UNC13B: variants seen among roughly 807,000 people sequenced by gnomAD.
UNC13B encodes protein unc-13 homolog B.
A neutral mutation model predicts 211.0 loss-of-function variants in UNC13B; 144 were observed. That is an observed-to-expected ratio of 0.68 (90% CI 0.60 to 0.78). The LOEUF is 0.78. UNC13B is among the 30% of genes least tolerant of loss of function. The probability of loss-of-function intolerance (pLI) is 0.00; values close to 1 mark genes in which losing one functional copy is unlikely to be tolerated. For missense variants in UNC13B, 1,777 were observed against 2,002.0 expected (o/e 0.89, Z 2.14); for synonymous variants, 709 against 725.8 (o/e 0.98, Z 0.37).
intron 11 of UNC13B, chr9:35,353,473 G>T: frequency 1.6e-6 from 2 of 1,232,272 alleles, no homozygotes; most frequent in Non-Finnish European, 2.0e-6. Context: ...GGAGTCAGGG[G>T]AGTGAAAGCT....
intron 1 of UNC13B, among the ~76,000 whole-genome samples, chr9:35,185,689 G>A (rs958770614): frequency 1.3e-5 from 2 of 151,954 alleles, no homozygotes; most frequent in Non-Finnish European, 2.9e-5. Flanking sequence ...GGAGGCCGAG[G>A]TGGGCGGATC....
At chr9:35,357,994 C>T (rs1366649800) in intron 11 of UNC13B, among the ~76,000 whole-genome samples, 1 of 152,210 alleles carries the variant, frequency 6.6e-6, no homozygotes, top group African/African-American at 2.4e-5. Flanking sequence ...TACTTTCTGT[C>T]TCTATGAATT....
intron 17 of UNC13B, 62 bp downstream of exon 17, chr9:35,378,498 C>G: frequency 6.2e-7 from 1 of 1,600,832 alleles, no homozygotes; most frequent in Non-Finnish European, 8.5e-7. Flanking sequence ...AGGATCACAT[C>G]CTGCCATTCT....
chr9:35,366,979 G>A lies in UNC13B; in HGVS notation c.9447G>A (p.Gln3149=), dbSNP rs759453245. 1.3e-5 allele frequency: 21 copies of A among 1,613,836 alleles called. No homozygotes were observed. In the Admixed American group the frequency reaches 3.3e-4, roughly 26 times the overall value. ...IPDDGDPSLP[Q]WLPEGPAGGL... ...ATGATGGTGACCCCTCTCTGCCTCA[G>A]TGGCTCCCGGAAGGGTAAGTAATTC... is the stretch of plus-strand genomic sequence containing the variant. The change falls in exon 12 of 40, where the codon CAG becomes CAA. Residue 3149 remains glutamine (Q), a synonymous_variant. Coordinates refer to ENST00000635942, the MANE Select transcript of UNC13B (RefSeq NM_001371189.2).
intron 12 of UNC13B, among the ~76,000 whole-genome samples, chr9:35,368,908 GT>G (rs1477789171): frequency 2.0e-5 from 3 of 152,050 alleles, no homozygotes; most frequent in Non-Finnish European, 1.5e-5. Context: ...GTGATCTTTA[GT>G]TTTTTTCTTC....
At chr9:35,359,628 T>C (rs1833260848) in intron 11 of UNC13B, among the ~76,000 whole-genome samples, 1 of 152,226 alleles carries the variant, frequency 6.6e-6, no homozygotes, top group African/African-American at 2.4e-5. Flanking sequence ...CTTGCAGCTA[T>C]TCAGGCCCAA....
chr9:35,321,807 G>A (rs1038191233), intron 11 of UNC13B, among the ~76,000 whole-genome samples: 2 of 151,940 alleles, frequency 1.3e-5, no homozygotes, highest in Non-Finnish European at 2.9e-5. Context: ...GGCTTCAGGG[G>A]TATATATATA....
chr9:35,166,663 A>G (rs1300924155), intron 1 of UNC13B, among the ~76,000 whole-genome samples: 1 of 152,048 alleles, frequency 6.6e-6, no homozygotes, highest in South Asian at 2.1e-4. Flanking sequence ...TTTTTAATTC[A>G]TTGTTTTCAT....
chr9:35,299,020 T>G (rs1829539848), intron 8 of UNC13B, among the ~76,000 whole-genome samples: 1 of 152,126 alleles, frequency 6.6e-6, no homozygotes, highest in Admixed American at 6.5e-5. Context: ...TCACCTGAGG[T>G]CAGGAGTTCA....
chr9:35,163,640 C>T (rs573592189), intron 1 of UNC13B, among the ~76,000 whole-genome samples: 39 of 152,324 alleles, frequency 2.6e-4, no homozygotes, highest in Non-Finnish European at 3.7e-4. Context: ...TAATTCTCTA[C>T]GGCCACACTG....
At chr9:35,251,210 C>T (rs528785421) in intron 6 of UNC13B, among the ~76,000 whole-genome samples, 153 of 152,152 alleles carry the variant, frequency 1.0e-3, no homozygotes, top group African/African-American at 3.5e-3. Context: ...GTGATCCGCC[C>T]GCCTCGGCCT....
intron 7 of UNC13B, among the ~76,000 whole-genome samples, chr9:35,282,548 T>C (rs572288155): frequency 6.6e-6 from 1 of 152,174 alleles, no homozygotes; most frequent in African/African-American, 2.4e-5. Context: ...TCTCCTGCTT[T>C]AGCCTCCTGA....
At chr9:35,358,575 T>A (rs1181985655) in intron 11 of UNC13B, among the ~76,000 whole-genome samples, 2 of 152,174 alleles carry the variant, frequency 1.3e-5, no homozygotes, top group Non-Finnish European at 2.9e-5. Flanking sequence ...TTTCTTGTTT[T>A]GATTGTGCTT....
chr9:35,197,819 C>T (rs1823030840), intron 1 of UNC13B, among the ~76,000 whole-genome samples: 1 of 152,182 alleles, frequency 6.6e-6, no homozygotes, highest in Non-Finnish European at 1.5e-5. Flanking sequence ...TGCCTTCCGC[C>T]ATGATCCTAA....
At chr9:35,386,657 C>T (rs1022598429) in intron 24 of UNC13B, among the ~76,000 whole-genome samples, 1 of 152,132 alleles carries the variant, frequency 6.6e-6, no homozygotes, top group Non-Finnish European at 1.5e-5. Flanking sequence ...AAGTTCTGGG[C>T]TTCCTTCCTC....
At chr9:35,181,029 T>C (rs1821909475) in intron 1 of UNC13B, among the ~76,000 whole-genome samples, 1 of 151,992 alleles carries the variant, frequency 6.6e-6, no homozygotes, top group Admixed American at 6.6e-5. Context: ...GCCTGGGAAG[T>C]GAAGGCTACA....
At chr9:35,198,883 T>G (rs1201516767) in intron 1 of UNC13B, among the ~76,000 whole-genome samples, 3 of 152,190 alleles carry the variant, frequency 2.0e-5, no homozygotes, top group Non-Finnish European at 2.9e-5. Context: ...TATTATACTT[T>G]AAGTTCTAGG....
intron 1 of UNC13B, among the ~76,000 whole-genome samples, chr9:35,200,902 C>G (rs1309476747): frequency 6.6e-6 from 1 of 152,166 alleles, no homozygotes; most frequent in African/African-American, 2.4e-5. Context: ...GAGGGCATCC[C>G]TGTCTTGTGC....
rs1405364259 is a variant in UNC13B, at chr9:35,306,700, G to A, written c.7296G>A (p.Gly2432=). 2.5e-6 allele frequency: 1 copy of A among 398,938 alleles called. No homozygotes were observed. Among genetic ancestry groups the A allele is most frequent in the Non-Finnish European group, 4.4e-6 (1 of 226,090 alleles). 24.7% of individuals were successfully genotyped at this position (398,938 alleles called of 1,614,324 possible). A position where few individuals can be genotyped will look rare whatever the true frequency, so the allele number is the denominator to read the frequency against. The part of the protein sequence containing the change: ...LEPASSSPEP[G]CAGNLQNQDA... ...CAGCCTCTTCCTCTCCAGAGCCAGG[G>A]TGTGCAGGGAACCTTCAGAACCAAG... The change falls in exon 9 of 40, where the codon GGG becomes GGA. Residue 2432 remains glycine, a synonymous_variant. Transcript: ENST00000635942.
Sources: gnomAD v4.1 joint callset for allele counts (sites outside exome capture counted in the v4.1 genomes callset) on GRCh38, gnomAD v4.1.1 for gene constraint, MANE v1.5 for transcripts, NCBI Gene and HGNC (gene_info 2026-07-23, HGNC 2026-07-21) for gene names.